NUP93: variants seen among roughly 807,000 people sequenced by gnomAD.
The protein encoded by NUP93 is nucleoporin 93, also known as nuclear pore complex protein Nup93.
Under a neutral mutation model 107.8 loss-of-function variants are expected in NUP93, and 55 were observed. The ratio of observed to expected loss-of-function variants is 0.51; its 90% CI spans 0.41 to 0.64. The LOEUF (loss-of-function observed/expected upper bound fraction) is 0.64. Ranked by LOEUF, NUP93 falls within the 30% of genes least tolerant of loss-of-function variation. NUP93 has a pLI of 0.00. For missense variants in NUP93, 937 were observed against 1,044.7 expected, an observed-to-expected ratio of 0.90 and a Z score of 1.42; for synonymous variants, 390 against 397.5, an observed-to-expected ratio of 0.98 and a Z score of 0.22.
In NUP93 at chr16:56,847,595, G is replaced by A. The variant is rs922500078; in HGVS notation, c.*2986G>A. 6.6e-6 allele frequency: 1 copy of A among 152,170 alleles called. No homozygotes were observed. The highest frequency in any genetic ancestry group is 2.4e-5 in the African/African-American group (1 of 41,446). 9.4% of individuals were successfully genotyped at this position (152,170 alleles called of 1,614,324 possible). A position where few individuals can be genotyped will look rare whatever the true frequency, so the allele number is the denominator to read the frequency against. On this transcript the variant is annotated 3_prime_UTR_variant, in exon 22 of 22. Transcript: ENST00000308159. ...TGACTTGATCTGGATCCTTTTCAGA[G>A]GCCTGGAGATTTAATTTCACAGATT...
chr16:56,741,836 T>A (rs1567372730), intron 1 of NUP93: 1 of 152,230 alleles, frequency 6.6e-6, no homozygotes, highest in Non-Finnish European at 1.5e-5. Flanking sequence ...CTACATACAT[T>A]TTACTAAATT....
chr16:56,841,934 C>G, intron 21 of NUP93, 101 bp downstream of exon 21: 4 of 1,401,052 alleles, frequency 2.9e-6, no homozygotes, highest in Non-Finnish European at 3.9e-6. Flanking sequence ...ACTGCTCTTT[C>G]TCCTCAGTAC....
At chr16:56,790,871 A>G (rs1962746729) in intron 3 of NUP93, among the ~76,000 whole-genome samples, 1 of 152,110 alleles carries the variant, frequency 6.6e-6, no homozygotes, top group Admixed American at 6.5e-5. Context: ...ATTAATTTTT[A>G]ACTGCTTTAT....
intron 7 of NUP93, 146 bp downstream of exon 7, chr16:56,821,739 A>G: frequency 1.9e-6 from 1 of 539,232 alleles, no homozygotes; most frequent in East Asian, 3.0e-5. Flanking sequence ...ATTTTAAATA[A>G]CTTTGGGTGG....
intron 3 of NUP93, among the ~76,000 whole-genome samples, chr16:56,765,870 T>A (rs181254446): frequency 6.6e-6 from 1 of 152,164 alleles, no homozygotes; most frequent in Non-Finnish European, 1.5e-5. Context: ...GGTAAGAAAT[T>A]GAAATGATTT....
chr16:56,832,214 G>A, intron 11 of NUP93, 81 bp from the exon 12 acceptor site: 1 of 1,312,174 alleles, frequency 7.6e-7, no homozygotes, highest in South Asian at 1.2e-5. Context: ...CATTGAGCAT[G>A]GCTGCTGAAC....
At chr16:56,803,137 A>C (rs1202167926) in intron 4 of NUP93, among the ~76,000 whole-genome samples, 1 of 152,054 alleles carries the variant, frequency 6.6e-6, no homozygotes, top group African/African-American at 2.4e-5. Flanking sequence ...CCTCCTATGA[A>C]AGTTTAGTGT....
At chr16:56,782,227 G>A (rs78289680) in intron 3 of NUP93, 52 of 984,998 alleles carry the variant, frequency 5.3e-5, no homozygotes, top group Non-Finnish European at 6.0e-5. Context: ...AGGATTGGCC[G>A]TGTTTTGTAA....
chr16:56,743,715 C>G (rs1961774833), intron 1 of NUP93, among the ~76,000 whole-genome samples: 1 of 152,124 alleles, frequency 6.6e-6, no homozygotes, highest in South Asian at 2.1e-4. Flanking sequence ...CTGAAAATTG[C>G]CAGCCCCCTT....
chr16:56,742,901 C>G (rs375414667), intron 1 of NUP93, among the ~76,000 whole-genome samples: 21 of 152,248 alleles, frequency 1.4e-4, no homozygotes, highest in Middle Eastern at 3.4e-3. Context: ...CTACTCATGG[C>G]TGATGCTTTA....
intron 6 of NUP93, among the ~76,000 whole-genome samples, chr16:56,820,621 C>CAGCT (rs1963523822): frequency 1.3e-5 from 2 of 152,330 alleles, no homozygotes; most frequent in South Asian, 4.1e-4. Flanking sequence ...CCAGCGAAAC[C>CAGCT]GTTTAATCTT....
intron 3 of NUP93, among the ~76,000 whole-genome samples, chr16:56,770,034 G>A (rs999410099): frequency 2.0e-5 from 3 of 152,218 alleles, no homozygotes; most frequent in Non-Finnish European, 2.9e-5. Flanking sequence ...ACGTCTAAGA[G>A]TATAAAAGTG....
At chr16:56,745,835 C>T (rs939052224) in intron 1 of NUP93, among the ~76,000 whole-genome samples, 1 of 152,098 alleles carries the variant, frequency 6.6e-6, no homozygotes, top group African/African-American at 2.4e-5. Context: ...ATATAATTAA[C>T]TTAAAAAAAT....
chr16:56,805,467 T>A, intron 4 of NUP93, 37 bp from the exon 5 acceptor site: 9 of 1,606,850 alleles, frequency 5.6e-6, no homozygotes, highest in Non-Finnish European at 6.8e-6. Context: ...TTTTGTTTTT[T>A]TCCTGAGGGT....
At chr16:56,774,340 A>C (rs1273934409) in intron 3 of NUP93, among the ~76,000 whole-genome samples, 2 of 152,164 alleles carry the variant, frequency 1.3e-5, no homozygotes, top group East Asian at 3.8e-4. Flanking sequence ...GTTTTTATTC[A>C]TTAACCTGAT....
chr16:56,783,527 C>G (rs890618050), intron 3 of NUP93: 1 of 985,448 alleles, frequency 1.0e-6, no homozygotes, highest in Middle Eastern at 5.2e-4. Flanking sequence ...GAGGAAACCT[C>G]TAACACTGAC....
intron 8 of NUP93, 66 bp from the exon 9 acceptor site, chr16:56,828,911 A>C (rs998382224): frequency 6.6e-7 from 1 of 1,522,108 alleles, no homozygotes; most frequent in East Asian, 2.3e-5. Context: ...TGTCATGGAT[A>C]TGGGCATAGA....
rs1166714389 is a variant in NUP93 at position 56,825,061 on chromosome 16, A to AT, written c.794+1228dup. On this transcript the variant is annotated intron_variant, in intron 8 of 21. Transcript: ENST00000308159. ...TATACTATATAAAAACTTCCCAGGA[A>AT]TTTTTTTTTTTTTGTAAGACAGTCT... is the stretch of plus-strand genomic sequence containing the variant. 4.3e-3 allele frequency among the ~76,000 whole-genome samples: 627 copies of AT among 145,650 alleles called. 2 individuals are homozygous for AT. The highest frequency in any genetic ancestry group is 0.013 in the African/African-American group (502 of 39,948).
chr16:56,745,351 AG>A (rs1454088567), intron 1 of NUP93, among the ~76,000 whole-genome samples: 3 of 149,346 alleles, frequency 2.0e-5, no homozygotes, highest in Non-Finnish European at 2.9e-5. Flanking sequence ...CTGAGTGATG[AG>A]GGGGGGTGGG....
Sources: gnomAD v4.1 joint callset for allele counts (sites outside exome capture counted in the v4.1 genomes callset) on GRCh38, gnomAD v4.1.1 for gene constraint, MANE v1.5 for transcripts, NCBI Gene and HGNC (gene_info 2026-07-23, HGNC 2026-07-21) for gene names.